Variants in NXPE2 observed in about 807,000 individuals in gnomAD.
NXPE2 encodes neurexophilin and PC-esterase domain family member 2, also known as NXPE family member 2.
NXPE2 carries 34 observed loss-of-function variants against 34.4 expected under a neutral mutation model. The observed-to-expected ratio is 0.99, with a 90% CI of 0.75 to 1.31. The LOEUF is 1.31. Ranked by LOEUF, NXPE2 falls within the 40% of genes most tolerant of loss-of-function variation. NXPE2 has a pLI of 0.00. For missense variants in NXPE2, 649 were observed against 672.5 expected (o/e 0.97, Z 0.39); for synonymous variants, 235 against 231.3 (o/e 1.02, Z -0.15).
the NXPE2 span, among the ~76,000 whole-genome samples, chr11:114,801,696 G>A: frequency 0.011 from 1,723 of 152,070 alleles, 28 homozygotes; most frequent in African/African-American, 0.038. Flanking sequence ...AGGCAGATGG[G>A]AGATTTATTT....
At chr11:114,531,888 T>C in the NXPE2 span, among the ~76,000 whole-genome samples, 4 of 152,226 alleles carry the variant, frequency 2.6e-5, no homozygotes, top group Non-Finnish European at 5.9e-5. Flanking sequence ...GATTTTCCAA[T>C]CTTGCTGGTA....
At chr11:114,475,336 C>T in the NXPE2 span, among the ~76,000 whole-genome samples, 21 of 148,250 alleles carry the variant, frequency 1.4e-4, no homozygotes, top group African/African-American at 4.8e-4. Context: ...CTCCGCCTCC[C>T]GGGTTCAAGT....
At chr11:114,497,709 C>A in the NXPE2 span, among the ~76,000 whole-genome samples, 1 of 152,116 alleles carries the variant, frequency 6.6e-6, no homozygotes, top group African/African-American at 2.4e-5. Context: ...AGAATATATC[C>A]TTGTTATTAA....
the NXPE2 span, among the ~76,000 whole-genome samples, chr11:114,744,149 G>C: frequency 2.6e-5 from 4 of 151,958 alleles, no homozygotes; most frequent in African/African-American, 9.7e-5. Context: ...GTGGTCTTTG[G>C]TATTCACTTT....
chr11:114,495,814 G>A, the NXPE2 span, among the ~76,000 whole-genome samples: 1 of 152,130 alleles, frequency 6.6e-6, no homozygotes, highest in African/African-American at 2.4e-5. Context: ...CTGGGAGCTG[G>A]GATCTGGACT....
the NXPE2 span, among the ~76,000 whole-genome samples, chr11:114,735,495 A>C: frequency 6.6e-6 from 1 of 152,162 alleles, no homozygotes; most frequent in African/African-American, 2.4e-5. Flanking sequence ...TCATTTGCAA[A>C]ATGGGGGGGT....
intron 5 of NXPE2, 126 bp from the exon 6 acceptor site, chr11:114,706,269 C>A: frequency 2.8e-6 from 2 of 718,972 alleles, no homozygotes; most frequent in Non-Finnish European, 4.2e-6. Flanking sequence ...TAAAATTATC[C>A]ACCTTACATA....
chr11:114,784,156 T>C, the NXPE2 span, among the ~76,000 whole-genome samples: 1 of 152,232 alleles, frequency 6.6e-6, no homozygotes, highest in Admixed American at 6.5e-5. Context: ...ATGCTACCTC[T>C]GTAGATAGGT....
At chr11:114,768,286 C>G in the NXPE2 span, among the ~76,000 whole-genome samples, 1 of 152,110 alleles carries the variant, frequency 6.6e-6, no homozygotes, top group African/African-American at 2.4e-5. Context: ...GTTTTGGTAC[C>G]AGTACCATGC....
At chr11:114,642,609 C>T in the NXPE2 span, among the ~76,000 whole-genome samples, 3 of 152,072 alleles carry the variant, frequency 2.0e-5, no homozygotes, top group Non-Finnish European at 4.4e-5. Flanking sequence ...CTTTTGATGG[C>T]TGCATGGTAT....
chr11:114,774,690 T>A, the NXPE2 span, among the ~76,000 whole-genome samples: 1 of 152,196 alleles, frequency 6.6e-6, no homozygotes, highest in Non-Finnish European at 1.5e-5. Flanking sequence ...GTCAGCCTCA[T>A]TTCTCCTTCC....
At chr11:114,469,186 A>C in the NXPE2 span, among the ~76,000 whole-genome samples, 1 of 127,732 alleles carries the variant, frequency 7.8e-6, no homozygotes, top group African/African-American at 3.1e-5. Flanking sequence ...GCGATGACTC[A>C]CTGCAAGCTC....
chr11:114,483,373 C>G, the NXPE2 span, among the ~76,000 whole-genome samples: 1 of 152,204 alleles, frequency 6.6e-6, no homozygotes, highest in Non-Finnish European at 1.5e-5. Context: ...AATCTTAGCT[C>G]TGTCACTTAT....
the NXPE2 span, among the ~76,000 whole-genome samples, chr11:114,776,695 G>A: frequency 6.6e-6 from 1 of 152,232 alleles, no homozygotes; most frequent in East Asian, 1.9e-4. Flanking sequence ...TCACCTTAGG[G>A]GAAAATTACA....
At chr11:114,640,835 A>G in the NXPE2 span, among the ~76,000 whole-genome samples, 2 of 151,976 alleles carry the variant, frequency 1.3e-5, no homozygotes, top group Non-Finnish European at 2.9e-5. Flanking sequence ...TTTGAGGTCC[A>G]TGTAGATTCT....
At chr11:114,689,037 C>T (rs896401859) in intron 2 of NXPE2, among the ~76,000 whole-genome samples, 1 of 151,902 alleles carries the variant, frequency 6.6e-6, no homozygotes, top group African/African-American at 2.4e-5. Flanking sequence ...TTCAAATAAC[C>T]AACTTTTTGT....
At chr11:114,531,088 T>A in the NXPE2 span, among the ~76,000 whole-genome samples, 14 of 151,826 alleles carry the variant, frequency 9.2e-5, no homozygotes, top group African/African-American at 3.4e-4. Context: ...AACAAGGAAA[T>A]GAGATATTAT....
the NXPE2 span, among the ~76,000 whole-genome samples, chr11:114,516,902 G>A: frequency 6.6e-6 from 1 of 152,080 alleles, no homozygotes; most frequent in African/African-American, 2.4e-5. Context: ...CCCCATCCCT[G>A]GGGTGGGTGG....
chr11:114,555,103 G>A, the NXPE2 span, among the ~76,000 whole-genome samples: 118 of 150,008 alleles, frequency 7.9e-4, no homozygotes, highest in African/African-American at 2.8e-3. Flanking sequence ...TCTTCAATTT[G>A]TGGTTCTTTT....
Sources: allele counts gnomAD v4.1 joint callset (sites outside exome capture counted in the v4.1 genomes callset), GRCh38; gene constraint gnomAD v4.1.1; transcripts MANE v1.5; gene names NCBI Gene and HGNC (gene_info 2026-07-23, HGNC 2026-07-21).